Variants in UBE2D4 observed in about 807,000 individuals in gnomAD.
UBE2D4 encodes the protein ubiquitin conjugating enzyme E2 D4, also known as ubiquitin-conjugating enzyme E2 D4.
In UBE2D4, 17 loss-of-function variants were observed where a neutral mutation model predicts 23.0. That is an observed-to-expected ratio of 0.74 (90% confidence interval 0.51 to 1.11). UBE2D4 has a LOEUF of 1.11. Among genes scored for constraint, UBE2D4 ranks in the 50% least tolerant of loss-of-function variants. The pLI is 0.00. For synonymous variants in UBE2D4, 61 were observed against 69.4 expected, an observed-to-expected ratio of 0.88 and a Z score of 0.60; for missense variants, 139 against 181.8, an observed-to-expected ratio of 0.76 and a Z score of 1.35.
At position 43,954,791 on chromosome 7, in the gene UBE2D4, CAT is replaced by C. The variant is rs1190196080; in HGVS notation, c.*2097_*2098del. On this transcript the variant is annotated 3_prime_UTR_variant, in exon 7 of 7. Transcript: ENST00000222402. ...CCAAGCATCACAGAAACACTTCACT[CAT>C]GTGGTCAGGGAAGGTGGGACTGATT... 1 of 152,188 alleles carries C rather than the reference CAT, an allele frequency of 6.6e-6. No individual in the cohort carries two copies. The highest frequency in any genetic ancestry group is 1.5e-5 in the Non-Finnish European group (1 of 68,046). The allele number at this position is 152,188 out of a possible 1,614,324, so 9.4% of individuals were successfully genotyped here.
chr7:43,926,536 G>A lies in UBE2D4; in HGVS notation c.4G>A (p.Ala2Thr). M[A>T]LKRIQKELTD... ...GGGTCCCCGGCAGCGGGGTAGGATG[G>A]CGCTAAAGCGGATCCAGAAGGTACG... is the stretch of plus-strand genomic sequence containing the variant. Residue 2 changes from alanine to threonine, a missense_variant, in exon 1 of 7, where the codon GCG (alanine) becomes ACG (threonine). Physicochemically the swap from Ala to Thr is moderately conservative, Grantham distance 58. Transcript: ENST00000222402. The A allele has an allele frequency of 6.4e-7, 1 of 1,564,564 alleles. No homozygotes were observed. The highest frequency in any genetic ancestry group is 1.2e-5 in the South Asian group (1 of 85,538).
rs1391577901 is a variant in UBE2D4 at position 43,955,190 on chromosome 7, G to A, written c.*2495G>A. The A allele has an allele frequency of 6.6e-6, 1 of 152,094 alleles. No homozygotes were observed. Among genetic ancestry groups the A allele is most frequent in the African/African-American group, 2.4e-5 (1 of 41,404 alleles). The allele number at this position is 152,094 out of a possible 1,614,324, so 9.4% of individuals were successfully genotyped here. On this transcript the variant is annotated 3_prime_UTR_variant, in exon 7 of 7. Coordinates refer to ENST00000222402, the MANE Select transcript of UBE2D4 (RefSeq NM_015983.4). ...AAAACCTTGTTTTAAGAGCCACTGT[G>A]GTACAGTCAATGTAACCCACTTGTG...
rs754916115 is a variant in UBE2D4 at position 43,926,487 on chromosome 7, C to T, written c.-46C>T. 6.9e-7 allele frequency: 1 copy of T among 1,459,682 alleles called. No individual in the cohort carries two copies. Among genetic ancestry groups the T allele is most frequent in the South Asian group, 1.3e-5 (1 of 74,524 alleles). The allele number at this position is 1,459,682 out of a possible 1,614,324, so 90.4% of individuals were successfully genotyped here. A position where few individuals can be genotyped will look rare whatever the true frequency, so the allele number is the denominator to read the frequency against. ...CGGCTGAGCCGGCAGCGGGCCGCCT[C>T]AGGCAGCCCCGGCCGGGCCGCCCGG... On this transcript the variant is annotated 5_prime_UTR_variant, in exon 1 of 7. Transcript: ENST00000222402.
At chr7:43,926,579 A>C in intron 1 of UBE2D4, 23 bp downstream of exon 1, 1 of 1,562,650 alleles carries the variant, frequency 6.4e-7, no homozygotes, top group Non-Finnish European at 8.6e-7. Flanking sequence ...CCACCCTCCA[A>C]CTCTTTGGGT....
intron 1 of UBE2D4, among the ~76,000 whole-genome samples, chr7:43,931,024 T>C (rs2095944118): frequency 1.3e-5 from 2 of 151,238 alleles, no homozygotes; most frequent in Admixed American, 1.3e-4. Flanking sequence ...CTTGGAAGGC[T>C]GAGGCAGGAG....
chr7:43,931,499 A>G (rs2095945280), intron 1 of UBE2D4, among the ~76,000 whole-genome samples: 1 of 151,790 alleles, frequency 6.6e-6, no homozygotes, highest in South Asian at 2.1e-4. Flanking sequence ...TTTAGGAAGA[A>G]GAGTTTTAAT....
rs1464137420 is a variant in UBE2D4 at position 43,954,285 on chromosome 7, T to TTA, written c.*1590_*1591insTA. ...TTTTTTTTTTTTTTTTTTTTTTTTT[T>TTA]AACACAGAGCCTTGCTCTGTCTCCC... On this transcript the variant is annotated 3_prime_UTR_variant, in exon 7 of 7. Transcript: ENST00000222402. The TTA allele has an allele frequency of 8.0e-5, 8 of 100,364 alleles. No individual in the cohort carries two copies. Among genetic ancestry groups the TTA allele is most frequent in the African/African-American group, 4.2e-5 (1 of 23,796 alleles). 6.2% of individuals were successfully genotyped at this position (100,364 alleles called of 1,614,324 possible). A position where few individuals can be genotyped will look rare whatever the true frequency, so the allele number is the denominator to read the frequency against.
intron 1 of UBE2D4, among the ~76,000 whole-genome samples, chr7:43,934,064 G>A (rs931560367): frequency 6.6e-5 from 10 of 152,180 alleles, no homozygotes; most frequent in South Asian, 2.1e-4. Context: ...GGACAACGAC[G>A]AGTAAATTTC....
intron 2 of UBE2D4, among the ~76,000 whole-genome samples, chr7:43,940,010 A>G (rs2095967683): frequency 6.6e-6 from 1 of 152,200 alleles, no homozygotes; most frequent in Non-Finnish European, 1.5e-5. Context: ...TAAATTGCAT[A>G]TTTTATTATA....
chr7:43,942,227 G>C (rs1250129683), intron 2 of UBE2D4: 1 of 155,164 alleles, frequency 6.4e-6, no homozygotes, highest in Non-Finnish European at 1.4e-5. Flanking sequence ...GAGGCAGAAG[G>C]ATAGCTTGAG....
At chr7:43,942,433 C>G (rs940835558) in intron 2 of UBE2D4, 1 of 364,378 alleles carries the variant, frequency 2.7e-6, no homozygotes, top group African/African-American at 2.1e-5. Context: ...CAGGGTGGAG[C>G]TCCAATGAGA....
intron 1 of UBE2D4, among the ~76,000 whole-genome samples, chr7:43,930,985 A>G (rs1404376794): frequency 6.6e-6 from 1 of 151,994 alleles, no homozygotes; most frequent in Non-Finnish European, 1.5e-5. Context: ...TTAGCTGGGT[A>G]TGGTGGCATG....
chr7:43,943,837 C>T (rs2095979188), intron 4 of UBE2D4: 1 of 152,486 alleles, frequency 6.6e-6, no homozygotes, highest in Admixed American at 6.5e-5. Context: ...CCGAGCCTGC[C>T]CTGAGGCTCA....
chr7:43,927,549 C>T lies in UBE2D4; in HGVS notation c.24+993C>T, dbSNP rs557504379. Among the ~76,000 whole-genome samples the T allele has an allele frequency of 9.3e-4, 142 of 152,318 alleles. 2 individuals are homozygous for T. The highest frequency in any genetic ancestry group is 3.3e-3 in the African/African-American group (136 of 41,560). On this transcript the variant is annotated intron_variant, in intron 1 of 6. Coordinates refer to ENST00000222402, the MANE Select transcript of UBE2D4 (RefSeq NM_015983.4). The stretch of plus-strand genomic sequence containing the variant: ...CATACTCCTGGGCTTAAGCGGTCCT[C>T]TTGCCTCTGCCTCCTAAAGTGGCGG...
intron 1 of UBE2D4, among the ~76,000 whole-genome samples, chr7:43,937,302 A>G (rs1297654053): frequency 1.3e-5 from 2 of 152,186 alleles, no homozygotes; most frequent in Admixed American, 6.5e-5. Flanking sequence ...CTGCACAGTG[A>G]TAGTGGAGGT....
In UBE2D4 at chr7:43,931,619, G is replaced by A. The variant is rs965003708; in HGVS notation, c.24+5063G>A. ...GGAAGGCAAACCGGGGTGGGGGGGCGGGGGGGGTGGCAGAGCAGGCATGTC... is the reference window on the plus strand; with the variant it reads ...GGAAGGCAAACCGGGGTGGGGGGGCAGGGGGGGTGGCAGAGCAGGCATGTC... On this transcript the variant is annotated intron_variant, in intron 1 of 6. Coordinates refer to ENST00000222402, the MANE Select transcript of UBE2D4 (RefSeq NM_015983.4). 9.8e-5 allele frequency among the ~76,000 whole-genome samples: 8 copies of A among 81,258 alleles called. No homozygotes were observed. The South Asian group carries it at 2.7e-3, about 28-fold the overall frequency. The allele number at this position is 81,258 out of a possible 152,430, so 53.3% of individuals were successfully genotyped here. A position where few individuals can be genotyped will look rare whatever the true frequency, so the allele number is the denominator to read the frequency against.
At chr7:43,945,607 T>G (rs1177915956) in intron 4 of UBE2D4, among the ~76,000 whole-genome samples, 1 of 152,098 alleles carries the variant, frequency 6.6e-6, no homozygotes, top group African/African-American at 2.4e-5. Context: ...CAAGCTCACA[T>G]GCACACAACT....
intron 1 of UBE2D4, among the ~76,000 whole-genome samples, chr7:43,935,753 A>G (rs758528326): frequency 6.6e-6 from 1 of 152,228 alleles, no homozygotes; most frequent in Non-Finnish European, 1.5e-5. Context: ...ATGATAGGCC[A>G]TGGTCTTCAA....
At chr7:43,931,205 G>C (rs547512546) in intron 1 of UBE2D4, among the ~76,000 whole-genome samples, 2 of 152,212 alleles carry the variant, frequency 1.3e-5, no homozygotes, top group East Asian at 3.9e-4. Flanking sequence ...GGGAGGCTAA[G>C]GCAGGTGGAT....
Sources: allele counts gnomAD v4.1 joint callset (sites outside exome capture counted in the v4.1 genomes callset), GRCh38; gene constraint gnomAD v4.1.1; transcripts MANE v1.5; gene names NCBI Gene and HGNC (gene_info 2026-07-23, HGNC 2026-07-21).